The following EYS variants were observed in gnomAD, a reference collection of about 807,000 sequenced individuals.
EYS encodes the protein EGF-like photoreceptor maintenance factor.
EYS carries 250 observed loss-of-function variants against 282.1 expected under a neutral mutation model. The observed-to-expected ratio is 0.89, with a 90% CI of 0.80 to 0.98. The LOEUF is 0.98. Ranked by LOEUF, EYS falls within the 50% of genes least tolerant of loss-of-function variation. The pLI is 0.00. For synonymous variants in EYS, 1,355 were observed against 1,282.9 expected, an observed-to-expected ratio of 1.06 and a Z score of -1.20; for missense variants, 4,016 against 3,709.0, an observed-to-expected ratio of 1.08 and a Z score of -2.15.
At chr6:64,550,529 A>C (rs1176143616) in intron 26 of EYS, among the ~76,000 whole-genome samples, 1 of 152,208 alleles carries the variant, frequency 6.6e-6, no homozygotes. Flanking sequence ...AAAAACTGGA[A>C]GCATTCCCTT....
chr6:65,521,522 G>T (rs1198191482), intron 2 of EYS, among the ~76,000 whole-genome samples: 2 of 151,836 alleles, frequency 1.3e-5, no homozygotes, highest in Non-Finnish European at 2.9e-5. Context: ...CAATAATCAG[G>T]TTTTGTTAAA....
At chr6:65,200,449 T>C (rs775165221) in intron 12 of EYS, among the ~76,000 whole-genome samples, 2 of 151,248 alleles carry the variant, frequency 1.3e-5, no homozygotes, top group African/African-American at 2.4e-5. Flanking sequence ...TGAGAAAAGA[T>C]CTTTCAGCAT....
chr6:65,610,042 G>T (rs2149794457), intron 2 of EYS, among the ~76,000 whole-genome samples: 1 of 152,144 alleles, frequency 6.6e-6, no homozygotes, highest in East Asian at 1.9e-4. Context: ...GGGACTACAG[G>T]TGCATGCCAC....
In EYS at chr6:64,815,643, T is replaced by C. The variant is rs374782656; in HGVS notation, c.3244-2066A>G. Among the ~76,000 whole-genome samples the C allele has an allele frequency of 2.2e-3, 341 of 152,172 alleles. 6 individuals are homozygous for C. Among genetic ancestry groups the C allele is most frequent in the African/African-American group, 7.7e-3 (319 of 41,558 alleles). On this transcript the variant is annotated intron_variant, in intron 21 of 42. Coordinates refer to ENST00000503581, the MANE Select transcript of EYS (RefSeq NM_001142800.2). The stretch of plus-strand genomic sequence containing the variant: ...ATTTATATTGCTTTGCTATATTCTA[T>C]TTAATATAATAAAGTGCTTTCCCAA...
At chr6:64,426,028 A>G (rs1000458286) in intron 28 of EYS, among the ~76,000 whole-genome samples, 2 of 152,212 alleles carry the variant, frequency 1.3e-5, no homozygotes, top group Admixed American at 6.5e-5. Context: ...AATTCATAAG[A>G]AAGTTCTATG....
At chr6:63,839,907 C>T (rs1360132154) in intron 36 of EYS, among the ~76,000 whole-genome samples, 1 of 152,090 alleles carries the variant, frequency 6.6e-6, no homozygotes, top group Non-Finnish European at 1.5e-5. Flanking sequence ...ACCATTTTAA[C>T]TGGGGTAAGA....
chr6:64,848,070 A>T (rs1280889519), intron 19 of EYS, among the ~76,000 whole-genome samples: 1 of 151,986 alleles, frequency 6.6e-6, no homozygotes, highest in Non-Finnish European at 1.5e-5. Context: ...CATTGGGTCG[A>T]ATTATTTATG....
rs1047122075 is a variant in EYS, at chr6:65,600,989, A to G, written c.-333+38789T>C. ...CCATGTCTATTTCTTTATATGAGTT[A>G]TTATTTCCTTTTAAAACTATCATTT... On this transcript the variant is annotated intron_variant, in intron 2 of 42. Transcript: ENST00000503581. Among the ~76,000 whole-genome samples the G allele has an allele frequency of 1.4e-4, 22 of 151,944 alleles. No individual in the cohort carries two copies. In the Admixed American group the frequency reaches 1.4e-3, roughly 10 times the overall value.
At chr6:63,874,920 G>C (rs1305960368) in intron 35 of EYS, among the ~76,000 whole-genome samples, 2 of 152,080 alleles carry the variant, frequency 1.3e-5, no homozygotes, top group Non-Finnish European at 2.9e-5. Context: ...TCTGCAAACG[G>C]GGACAATTTG....
At chr6:64,602,921 A>G (rs1365880198) in intron 24 of EYS, among the ~76,000 whole-genome samples, 2 of 152,032 alleles carry the variant, frequency 1.3e-5, no homozygotes, top group South Asian at 4.1e-4. Context: ...GGGACTAATA[A>G]AAACAGAGCC....
intron 29 of EYS, among the ~76,000 whole-genome samples, chr6:64,316,318 C>T (rs555010151): frequency 6.6e-6 from 1 of 152,240 alleles, no homozygotes; most frequent in African/African-American, 2.4e-5. Context: ...TTACCAAACC[C>T]CATCGTCTCA....
rs1305890153 is a variant in EYS, at chr6:64,607,093, G to A, written c.3684+10325C>T. Reference sequence around the variant, plus strand: ...CAAAAGAGAAGTATAAAACCCTGCCGTTTCTCAGTGGCAATGCCAGAAAAA... The same window carrying A: ...CAAAAGAGAAGTATAAAACCCTGCCATTTCTCAGTGGCAATGCCAGAAAAA... On this transcript the variant is annotated intron_variant, in intron 24 of 42. Coordinates refer to ENST00000503581, the MANE Select transcript of EYS (RefSeq NM_001142800.2). Among the ~76,000 whole-genome samples, 10 of 151,812 alleles carry A rather than the reference G, an allele frequency of 6.6e-5. No homozygotes were observed. The South Asian group carries it at 8.3e-4, about 13-fold the overall frequency.
chr6:65,393,129 A>C (rs1366104700), intron 7 of EYS, among the ~76,000 whole-genome samples: 1 of 151,562 alleles, frequency 6.6e-6, no homozygotes, highest in Non-Finnish European at 1.5e-5. Context: ...CAATGAGAAC[A>C]CATGGACACA....
chr6:65,309,776 C>A (rs920889253), intron 11 of EYS, among the ~76,000 whole-genome samples: 2 of 152,168 alleles, frequency 1.3e-5, no homozygotes, highest in African/African-American at 4.8e-5. Context: ...ATGTATCTTT[C>A]CCCTTGCCTC....
intron 27 of EYS, 42 bp from the exon 28 acceptor site, chr6:64,436,307 A>T (rs1265347806): frequency 1.0e-6 from 1 of 995,796 alleles, no homozygotes; most frequent in Non-Finnish European, 1.5e-6. Context: ...GTTTTTCAGC[A>T]TGAAATTAAT....
At chr6:64,285,937 G>T (rs992376185) in intron 30 of EYS, among the ~76,000 whole-genome samples, 1 of 152,162 alleles carries the variant, frequency 6.6e-6, no homozygotes, top group Admixed American at 6.6e-5. Flanking sequence ...TTCAAGATGA[G>T]ATTTGGGTGG....
intron 31 of EYS, among the ~76,000 whole-genome samples, chr6:64,107,325 T>C (rs1436007901): frequency 7.9e-6 from 1 of 127,216 alleles, no homozygotes; most frequent in Non-Finnish European, 1.7e-5. Context: ...AAAGGGGAGT[T>C]TATAAAGTAT....
intron 30 of EYS, among the ~76,000 whole-genome samples, chr6:64,288,402 T>A (rs1473753156): frequency 6.6e-6 from 1 of 152,152 alleles, no homozygotes; most frequent in East Asian, 1.9e-4. Context: ...CTCATATATA[T>A]GAATCAAGTT....
chr6:64,768,815 C>G (rs1238322950), intron 22 of EYS, among the ~76,000 whole-genome samples: 1 of 152,074 alleles, frequency 6.6e-6, no homozygotes, highest in Non-Finnish European at 1.5e-5. Context: ...AAAGGGCAGG[C>G]TGTTTATAAT....
Sources: gnomAD v4.1 joint callset for allele counts (sites outside exome capture counted in the v4.1 genomes callset) on GRCh38, gnomAD v4.1.1 for gene constraint, MANE v1.5 for transcripts, NCBI Gene and HGNC (gene_info 2026-07-23, HGNC 2026-07-21) for gene names.